The following TLK2 variants were observed in gnomAD, a reference collection of about 807,000 sequenced individuals.
TLK2 encodes serine/threonine-protein kinase tousled-like 2.
A neutral mutation model predicts 117.3 loss-of-function variants in TLK2; 6 were observed. That is an observed-to-expected ratio of 0.05 (90% confidence interval 0.03 to 0.10). The LOEUF (loss-of-function observed/expected upper bound fraction) is 0.10. Among genes scored for constraint, TLK2 ranks in the 10% least tolerant of loss-of-function variants. The pLI, the probability that TLK2 is intolerant of heterozygous loss-of-function variation, is 1.00. For synonymous variants in TLK2, 257 were observed against 316.7 expected (o/e 0.81, Z 2.00); for missense variants, 299 against 901.2 (o/e 0.33, Z 8.56).
At chr17:62,567,393 A>G (rs2079883144) in intron 11 of TLK2, among the ~76,000 whole-genome samples, 1 of 152,204 alleles carries the variant, frequency 6.6e-6, no homozygotes, top group South Asian at 2.1e-4. Context: ...AGATCAGAGG[A>G]AGTGAGACTA....
intron 11 of TLK2, among the ~76,000 whole-genome samples, chr17:62,566,185 C>CT (rs545789794): frequency 2.1e-4 from 31 of 145,072 alleles, no homozygotes; most frequent in East Asian, 6.0e-4. Flanking sequence ...GGTGAATCTT[C>CT]TTTTTTTTTT....
intron 10 of TLK2, among the ~76,000 whole-genome samples, chr17:62,562,650 C>G (rs2079386581): frequency 6.6e-6 from 1 of 152,090 alleles, no homozygotes; most frequent in South Asian, 2.1e-4. Flanking sequence ...TAAAAAAAAC[C>G]TGACAGATCC....
At chr17:62,490,740 C>T (rs1188657408) in intron 2 of TLK2, among the ~76,000 whole-genome samples, 1 of 152,074 alleles carries the variant, frequency 6.6e-6, no homozygotes, top group Non-Finnish European at 1.5e-5. Context: ...CAGGATTTCA[C>T]CATGTTGGCC....
intron 19 of TLK2, among the ~76,000 whole-genome samples, chr17:62,605,844 A>AT (rs753589988): frequency 1.6e-3 from 249 of 151,552 alleles, no homozygotes; most frequent in Non-Finnish European, 3.0e-3. Flanking sequence ...ACTGCTACAA[A>AT]TTTTTTTTAA....
At chr17:62,478,311 G>T (rs1394436623), upstream of TLK2, among the ~76,000 whole-genome samples, 2 of 151,350 alleles carry the variant, frequency 1.3e-5, no homozygotes, top group African/African-American at 4.8e-5. Context: ...CAAACTCGCG[G>T]AGCCGAGGGG....
chr17:62,601,258 T>C (rs1320650006), intron 18 of TLK2, among the ~76,000 whole-genome samples: 1 of 152,224 alleles, frequency 6.6e-6, no homozygotes, highest in African/African-American at 2.4e-5. Flanking sequence ...GTATGGTTAT[T>C]ATCTAGCTTT....
At chr17:62,563,460 A>T (rs1246029063) in intron 10 of TLK2, among the ~76,000 whole-genome samples, 1 of 152,158 alleles carries the variant, frequency 6.6e-6, no homozygotes, top group Non-Finnish European at 1.5e-5. Context: ...AAAAAAAAAG[A>T]AAATAAATTC....
At chr17:62,487,056 G>A (rs1166687531) in intron 2 of TLK2, among the ~76,000 whole-genome samples, 1 of 152,196 alleles carries the variant, frequency 6.6e-6, no homozygotes, top group Non-Finnish European at 1.5e-5. Context: ...CACTTTGGGA[G>A]GCCGAGGCAG....
At chr17:62,573,485 T>C in intron 12 of TLK2, 118 bp downstream of exon 12, 1 of 1,330,194 alleles carries the variant, frequency 7.5e-7, no homozygotes, top group East Asian at 2.5e-5. Flanking sequence ...AACCTTCTTT[T>C]CAGTTACATT....
rs573713927 is a variant in TLK2, at chr17:62,506,701, G to A, written c.82-14072G>A. On this transcript the variant is annotated intron_variant, in intron 2 of 21. Transcript: ENST00000346027. ...TTTCTTTGTTTTCTTTACTGTGAAT[G>A]TGCTCCAGGATTTTGTACAGAGCTT... Among the ~76,000 whole-genome samples, 13 of 152,072 alleles carry A rather than the reference G, an allele frequency of 8.5e-5. No homozygotes were observed. In the South Asian group the frequency reaches 2.3e-3, roughly 27 times the overall value.
chr17:62,578,591 C>A lies in TLK2; in HGVS notation c.1286+17C>A. The A allele has an allele frequency of 6.3e-7, 1 of 1,586,040 alleles. No homozygotes were observed. Among genetic ancestry groups the A allele is most frequent in the Non-Finnish European group, 8.7e-7 (1 of 1,154,954 alleles). ...TAATTCACAGTAAGCTACTTCAGGG[C>A]ATATTGGGTTGGAGATTGCTAAGCA... On this transcript the variant is annotated intron_variant, in intron 14 of 21. Coordinates refer to ENST00000346027, the MANE Select transcript of TLK2 (RefSeq NM_006852.6).
chr17:62,569,296 C>T (rs1321948415), intron 11 of TLK2, among the ~76,000 whole-genome samples: 16 of 145,804 alleles, frequency 1.1e-4, no homozygotes, highest in African/African-American at 3.5e-4. Flanking sequence ...AGTGAGACTT[C>T]GTCTCCAAAA....
At chr17:62,490,504 C>T (rs190082529) in intron 2 of TLK2, among the ~76,000 whole-genome samples, 74 of 152,130 alleles carry the variant, frequency 4.9e-4, no homozygotes, top group Non-Finnish European at 9.4e-4. Context: ...TCTATACTCC[C>T]AGGCCTCTTA....
At chr17:62,602,773 C>T (rs569684602) in intron 19 of TLK2, among the ~76,000 whole-genome samples, 75 of 152,330 alleles carry the variant, frequency 4.9e-4, no homozygotes, top group African/African-American at 1.7e-3. Flanking sequence ...TAGCCACCCG[C>T]ACCCAAGCTA....
At chr17:62,513,521 C>T (rs1017293935) in intron 2 of TLK2, among the ~76,000 whole-genome samples, 3 of 151,516 alleles carry the variant, frequency 2.0e-5, no homozygotes, top group East Asian at 1.9e-4. Flanking sequence ...GATGGGATCT[C>T]GCTTTGTTGC....
At chr17:62,596,333 C>T (rs1279725384) in intron 16 of TLK2, among the ~76,000 whole-genome samples, 3 of 152,192 alleles carry the variant, frequency 2.0e-5, no homozygotes, top group Non-Finnish European at 4.4e-5. Flanking sequence ...CTCGGCCTCC[C>T]AAAGTGCTGG....
At chr17:62,481,874 G>A (rs920125455) in intron 2 of TLK2, among the ~76,000 whole-genome samples, 8 of 152,066 alleles carry the variant, frequency 5.3e-5, no homozygotes, top group African/African-American at 1.4e-4. Flanking sequence ...GTATATTTAC[G>A]ATATTTTATT....
At chr17:62,472,790 G>A (rs1309417860) in intron 1 of TLK2, among the ~76,000 whole-genome samples, 2 of 151,354 alleles carry the variant, frequency 1.3e-5, no homozygotes, top group African/African-American at 4.9e-5. Flanking sequence ...AGGTGGACCT[G>A]GGAGCTGTGT....
Position 62,592,290 on chromosome 17 carries a change from T to TA in TLK2, c.1461-4294dup, listed in dbSNP as rs551125501. The stretch of plus-strand genomic sequence containing the variant: ...ACATTCTTAAAATAGTATTGGTAAT[T>TA]ACATTGTGTAAGCATATTCTGTTCT... On this transcript the variant is annotated intron_variant, in intron 16 of 21. Coordinates refer to ENST00000346027, the MANE Select transcript of TLK2 (RefSeq NM_006852.6). Among the ~76,000 whole-genome samples the TA allele has an allele frequency of 1.9e-3, 283 of 152,302 alleles. 2 individuals are homozygous for TA. Among genetic ancestry groups the TA allele is most frequent in the Non-Finnish European group, 5.7e-4 (39 of 68,032 alleles).
Sources: allele counts gnomAD v4.1 joint callset (sites outside exome capture counted in the v4.1 genomes callset), GRCh38; gene constraint gnomAD v4.1.1; transcripts MANE v1.5; gene names NCBI Gene and HGNC (gene_info 2026-07-23, HGNC 2026-07-21).